The following MEMO1 variants were observed in gnomAD, a reference collection of about 807,000 sequenced individuals.
MEMO1 encodes the protein protein MEMO1.
Under a neutral mutation model 45.2 loss-of-function variants are expected in MEMO1, and 6 were observed. That is an observed-to-expected ratio of 0.13 (90% CI 0.07 to 0.26). MEMO1 has a LOEUF of 0.26. MEMO1 is among the 10% of genes least tolerant of loss of function. The pLI is 1.00. For synonymous variants in MEMO1, 78 were observed against 124.3 expected, an observed-to-expected ratio of 0.63 and a Z score of 2.48; for missense variants, 184 against 370.5, an observed-to-expected ratio of 0.50 and a Z score of 4.13.
At chr2:31,974,086 G>A (rs958333269) in intron 2 of MEMO1, among the ~76,000 whole-genome samples, 4 of 152,092 alleles carry the variant, frequency 2.6e-5, no homozygotes, top group Non-Finnish European at 5.9e-5. Context: ...ATTGTTTCTC[G>A]CTCGCTCCCT....
intron 7 of MEMO1, among the ~76,000 whole-genome samples, chr2:31,886,034 C>A (rs1676138530): frequency 6.6e-6 from 1 of 152,154 alleles, no homozygotes; most frequent in African/African-American, 2.4e-5. Flanking sequence ...GTTTGAAATA[C>A]TTTAAAATAC....
At chr2:31,952,039 T>C (rs1348420536) in intron 2 of MEMO1, among the ~76,000 whole-genome samples, 1 of 152,166 alleles carries the variant, frequency 6.6e-6, no homozygotes, top group Non-Finnish European at 1.5e-5. Flanking sequence ...ATGCCCTTGG[T>C]ACAGCACCTT....
At chr2:31,926,834 G>A (rs1352678615) in intron 4 of MEMO1, among the ~76,000 whole-genome samples, 5 of 150,262 alleles carry the variant, frequency 3.3e-5, no homozygotes, top group South Asian at 2.1e-4. Flanking sequence ...CGACAAGCAC[G>A]AAACTCTGCC....
chr2:31,922,442 C>G (rs1222220671), intron 4 of MEMO1, among the ~76,000 whole-genome samples: 2 of 151,886 alleles, frequency 1.3e-5, no homozygotes, highest in Non-Finnish European at 2.9e-5. Flanking sequence ...AAGACTTCAT[C>G]CACAGGCCAT....
intron 2 of MEMO1, among the ~76,000 whole-genome samples, chr2:32,002,023 G>A (rs1673382638): frequency 6.6e-6 from 1 of 151,286 alleles, no homozygotes; most frequent in South Asian, 2.1e-4. Context: ...GCACATGCCT[G>A]TAGACCCAGC....
At chr2:31,943,244 G>A (rs780765945) in intron 3 of MEMO1, 58 bp downstream of exon 3, 225 of 1,297,018 alleles carry the variant, frequency 1.7e-4, no homozygotes, top group Middle Eastern at 4.6e-4. Flanking sequence ...CAGCCTGGGC[G>A]ACACAGGGAG....
At chr2:32,004,052 G>C (rs1673740902) in intron 2 of MEMO1, among the ~76,000 whole-genome samples, 1 of 152,162 alleles carries the variant, frequency 6.6e-6, no homozygotes, top group South Asian at 2.1e-4. Flanking sequence ...AGGCATGATA[G>C]TACATGCCTA....
chr2:31,999,459 T>A (rs1673000702), intron 2 of MEMO1, among the ~76,000 whole-genome samples: 1 of 152,022 alleles, frequency 6.6e-6, no homozygotes, highest in Non-Finnish European at 1.5e-5. Flanking sequence ...GTCCACAAGT[T>A]TAAGACCAGC....
intron 7 of MEMO1, 58 bp downstream of exon 7, chr2:31,891,934 A>G: frequency 6.7e-7 from 1 of 1,483,190 alleles, no homozygotes; most frequent in East Asian, 2.3e-5. Context: ...GAATGAAAAG[A>G]TACCTTTAAC....
At chr2:31,932,262 A>G in intron 3 of MEMO1, 127 bp from the exon 4 acceptor site, 1 of 679,926 alleles carries the variant, frequency 1.5e-6, no homozygotes, top group South Asian at 2.2e-5. Flanking sequence ...ATGTTAAATA[A>G]CAATGTAGTT....
At chr2:31,942,320 A>G (rs1016995528) in intron 3 of MEMO1, among the ~76,000 whole-genome samples, 1 of 152,220 alleles carries the variant, frequency 6.6e-6, no homozygotes, top group Non-Finnish European at 1.5e-5. Context: ...CTTTTTCATT[A>G]TAAATTAAAA....
chr2:31,912,164 G>A (rs1474508509), intron 6 of MEMO1, among the ~76,000 whole-genome samples: 1 of 152,006 alleles, frequency 6.6e-6, no homozygotes, highest in Non-Finnish European at 1.5e-5. Context: ...GTGAAACCCT[G>A]TCTCTACTAA....
At chr2:31,980,009 T>TAAA (rs34551355) in intron 2 of MEMO1, among the ~76,000 whole-genome samples, 3 of 137,658 alleles carry the variant, frequency 2.2e-5, no homozygotes, top group Admixed American at 1.5e-4. Context: ...TGTCTTAATT[T>TAAA]AAAAAAAAAA....
intron 4 of MEMO1, among the ~76,000 whole-genome samples, chr2:31,925,857 T>C (rs868364086): frequency 8.5e-5 from 13 of 152,284 alleles, no homozygotes; most frequent in Middle Eastern, 6.8e-3. Context: ...CGAGTAGGTA[T>C]CTTTTTAATA....
intron 2 of MEMO1, among the ~76,000 whole-genome samples, chr2:31,961,732 C>T (rs779149941): frequency 6.6e-5 from 10 of 151,744 alleles, no homozygotes; most frequent in South Asian, 2.1e-4. Flanking sequence ...GACCCAAGAT[C>T]GTGCTACTAT....
chr2:31,914,041 G>C (rs1374267467), intron 6 of MEMO1, among the ~76,000 whole-genome samples: 3 of 152,190 alleles, frequency 2.0e-5, no homozygotes, highest in Non-Finnish European at 4.4e-5. Context: ...CACGTGAAGA[G>C]AGAAGTCCTG....
At chr2:31,957,142 CAAAAAAA>C (rs754542523) in intron 2 of MEMO1, among the ~76,000 whole-genome samples, 1 of 77,662 alleles carries the variant, frequency 1.3e-5, no homozygotes, top group Non-Finnish European at 2.5e-5. Flanking sequence ...AACTCCGTCT[CAAAAAAA>C]AAAAAAAAAA....
intron 2 of MEMO1, among the ~76,000 whole-genome samples, chr2:31,974,077 T>C (rs970760373): frequency 5.3e-5 from 8 of 152,318 alleles, no homozygotes; most frequent in Middle Eastern, 3.4e-3. Flanking sequence ...AAACTGCTAA[T>C]TGTTTCTCGC....
intron 2 of MEMO1, among the ~76,000 whole-genome samples, chr2:31,952,982 A>G (rs1329083768): frequency 6.6e-6 from 1 of 152,244 alleles, no homozygotes; most frequent in Non-Finnish European, 1.5e-5. Context: ...TTCCTTAAAC[A>G]TTAATATAAA....
Sources: allele counts gnomAD v4.1 joint callset (sites outside exome capture counted in the v4.1 genomes callset), GRCh38; gene constraint gnomAD v4.1.1; transcripts MANE v1.5; gene names NCBI Gene and HGNC (gene_info 2026-07-23, HGNC 2026-07-21).